Variants in FAM167A observed in about 807,000 individuals in gnomAD.
The protein encoded by FAM167A is family with sequence similarity 167 member A.
Under a neutral mutation model 14.9 loss-of-function variants are expected in FAM167A, and 23 were observed. The ratio of observed to expected loss-of-function variants is 1.55; its 90% CI spans 1.11 to 2.19. The LOEUF is 2.19. Among genes scored for constraint, FAM167A ranks in the 30% most tolerant of loss-of-function variants. The probability of loss-of-function intolerance (pLI) is 0.00; values close to 1 mark genes in which losing one functional copy is unlikely to be tolerated. For synonymous variants in FAM167A, 174 were observed against 117.7 expected (o/e 1.48, Z -3.10); for missense variants, 401 against 281.5 (o/e 1.42, Z -3.04).
At chr8:11,465,726 C>T (rs1459346370) in intron 1 of FAM167A, among the ~76,000 whole-genome samples, 4 of 152,226 alleles carry the variant, frequency 2.6e-5, no homozygotes, top group Non-Finnish European at 5.9e-5. Flanking sequence ...CAGTGGGAAG[C>T]TGCTTTGGAG....
At chr8:11,448,826 C>T (rs1658484042) in intron 1 of FAM167A, among the ~76,000 whole-genome samples, 1 of 152,246 alleles carries the variant, frequency 6.6e-6, no homozygotes, top group South Asian at 2.1e-4. Flanking sequence ...AGCCTGGTTT[C>T]TGGTCCCAGC....
chr8:11,424,821 G>A (rs1345061954), intron 2 of FAM167A, among the ~76,000 whole-genome samples, 185 bp from the exon 3 acceptor site: 1 of 152,236 alleles, frequency 6.6e-6, no homozygotes, highest in East Asian at 1.9e-4. Context: ...TGAGGGTGCG[G>A]TCGCAAAACA....
chr8:11,455,483 G>C (rs1807209724), intron 1 of FAM167A, among the ~76,000 whole-genome samples: 1 of 146,186 alleles, frequency 6.8e-6, no homozygotes. Context: ...GTGGGGAGTG[G>C]TTGCCCTGAT....
intron 1 of FAM167A, chr8:11,445,247 G>C: frequency 1.0e-6 from 1 of 985,360 alleles, no homozygotes; most frequent in South Asian, 4.7e-5. Flanking sequence ...GGTCCCCAGA[G>C]CCAGCCAGCA....
At chr8:11,450,698 G>C (rs906403251) in intron 1 of FAM167A, among the ~76,000 whole-genome samples, 2 of 152,222 alleles carry the variant, frequency 1.3e-5, no homozygotes, top group African/African-American at 4.8e-5. Context: ...GCTGTGGAAT[G>C]AATGAGCCAA....
At chr8:11,425,529 T>C (rs967856558) in intron 2 of FAM167A, among the ~76,000 whole-genome samples, 9 of 152,192 alleles carry the variant, frequency 5.9e-5, no homozygotes, top group African/African-American at 2.2e-4. Flanking sequence ...ATGTTTCCTA[T>C]TGATGTGTAA....
chr8:11,468,674 G>A (rs779367772), upstream of FAM167A, among the ~76,000 whole-genome samples: 1 of 152,196 alleles, frequency 6.6e-6, no homozygotes, highest in Non-Finnish European at 1.5e-5. Flanking sequence ...CGTGGTGAAT[G>A]CTCCAAGATC....
chr8:11,427,406 G>T (rs1030466632), intron 2 of FAM167A, among the ~76,000 whole-genome samples: 1 of 152,172 alleles, frequency 6.6e-6, no homozygotes, highest in African/African-American at 2.4e-5. Context: ...CTTGACTCGA[G>T]ATCTGAATCC....
rs1585257429 is a variant in FAM167A, at chr8:11,443,850, C to G, written c.381+181G>C. 4.0e-6 allele frequency: 3 copies of G among 743,398 alleles called. No individual in the cohort carries two copies. In the East Asian group the frequency reaches 8.1e-5, roughly 20 times the overall value. The allele number at this position is 743,398 out of a possible 1,614,324, so 46.1% of individuals were successfully genotyped here. On this transcript the variant is annotated intron_variant, in intron 2 of 2. Transcript: ENST00000284486. ...GCTGATGACACCTGGGTCCCCCCAG[C>G]CACATACAAATGACGCCTGCCTTCA...
chr8:11,462,053 A>C (rs1807560764), intron 1 of FAM167A, among the ~76,000 whole-genome samples: 1 of 152,214 alleles, frequency 6.6e-6, no homozygotes, highest in South Asian at 2.1e-4. Flanking sequence ...CTGTGCCTGC[A>C]CTGGGGTTTG....
At chr8:11,448,063 G>A (rs113475489) in intron 1 of FAM167A, among the ~76,000 whole-genome samples, 17 of 152,236 alleles carry the variant, frequency 1.1e-4, no homozygotes, top group African/African-American at 2.2e-4. Context: ...GCGTAGTGGC[G>A]CACGCCTGTA....
chr8:11,474,117 C>T (rs181396978), intron 1 of FAM167A, among the ~76,000 whole-genome samples: 11 of 152,238 alleles, frequency 7.2e-5, no homozygotes, highest in Admixed American at 1.3e-4. Flanking sequence ...TCAGGTGATC[C>T]GCCTGCCTTG....
intron 2 of FAM167A, among the ~76,000 whole-genome samples, chr8:11,442,201 G>T (rs540159720): frequency 2.0e-4 from 30 of 152,186 alleles, no homozygotes; most frequent in South Asian, 6.2e-4. Flanking sequence ...ACTGGGCAGG[G>T]CACTTCATGC....
upstream of FAM167A, among the ~76,000 whole-genome samples, chr8:11,468,053 C>A (rs1807840827): frequency 1.3e-5 from 2 of 152,322 alleles, 1 homozygote; most frequent in Middle Eastern, 6.8e-3. Flanking sequence ...TTGCCCTACC[C>A]AGTTCTGGGA....
chr8:11,432,014 C>G (rs1805637877), intron 2 of FAM167A, among the ~76,000 whole-genome samples: 1 of 150,584 alleles, frequency 6.6e-6, no homozygotes, highest in South Asian at 2.1e-4. Context: ...GCTAGTCTAA[C>G]ATAGGATGTG....
Position 11,442,538 on chromosome 8 carries a change from C to T in FAM167A, c.381+1493G>A, listed in dbSNP as rs28485693. On this transcript the variant is annotated intron_variant, in intron 2 of 2. Transcript: ENST00000284486. ...CCCACAGGCAATAAAATCTCGAACT[C>T]GAAACCAACAAATAGTATCTTTGAT... Among the ~76,000 whole-genome samples the T allele has an allele frequency of 8.5e-5, 13 of 152,210 alleles. 1 individual carries two copies. The highest frequency in any genetic ancestry group is 6.5e-4 in the Admixed American group (10 of 15,304).
At chr8:11,434,011 G>C (rs1016893144) in intron 2 of FAM167A, 1 of 152,224 alleles carries the variant, frequency 6.6e-6, no homozygotes, top group Non-Finnish European at 1.5e-5. Flanking sequence ...TTTGGTCCCT[G>C]AGAAAGAGCC....
intron 1 of FAM167A, among the ~76,000 whole-genome samples, chr8:11,455,892 A>AGTGT (rs1491189537): frequency 0.024 from 3,066 of 127,156 alleles, 84 homozygotes; most frequent in Middle Eastern, 0.047. Context: ...GTTGCCTTGC[A>AGTGT]GAGTGTGAGT....
chr8:11,442,068 C>T (rs955718054), intron 2 of FAM167A, among the ~76,000 whole-genome samples: 1 of 152,240 alleles, frequency 6.6e-6, no homozygotes, highest in Non-Finnish European at 1.5e-5. Flanking sequence ...CTATGTACGA[C>T]AGCCTTTGGT....
Sources: allele counts gnomAD v4.1 joint callset (sites outside exome capture counted in the v4.1 genomes callset), GRCh38; gene constraint gnomAD v4.1.1; transcripts MANE v1.5; gene names NCBI Gene and HGNC (gene_info 2026-07-23, HGNC 2026-07-21).